The following CPAMD8 variants were observed in gnomAD, a reference collection of about 807,000 sequenced individuals.
CPAMD8 encodes C3 and PZP like alpha-2-macroglobulin domain containing 8.
Under a neutral mutation model 224.7 loss-of-function variants are expected in CPAMD8, and 146 were observed. The ratio of observed to expected loss-of-function variants is 0.65; its 90% confidence interval spans 0.57 to 0.75. The LOEUF is 0.75. Ranked by LOEUF, CPAMD8 falls within the 30% of genes least tolerant of loss-of-function variation. CPAMD8 has a pLI of 0.00. For synonymous variants in CPAMD8, 966 were observed against 1,044.6 expected (o/e 0.92, Z 1.45); for missense variants, 2,301 against 2,537.5 (o/e 0.91, Z 2.00).
Position 16,896,215 on chromosome 19 carries a change from T to A in CPAMD8, c.5387A>T (p.Glu1796Val), listed in dbSNP as rs2144679465. Reference protein sequence around the residue: ...VKLNGAGLEVEDSDPEPEGEA... With the variant: ...VKLNGAGLEVVDSDPEPEGEA... ...CCCTTCAGGCTCAGGGTCTGAGTCC[T>A]CCACCTCAAGGCCGGCTCCATTCAG... Residue 1796 changes from glutamate (E) to valine (V), a missense_variant, in exon 41 of 42, where the codon GAG (glutamate) becomes GTG (valine). This residue lies in a region of CPAMD8 where 1,709 missense variants were observed against 1,753.2 expected (regional missense o/e 0.97). Coordinates refer to ENST00000443236, the MANE Select transcript of CPAMD8 (RefSeq NM_015692.5). 1 of 1,613,796 alleles carries A rather than the reference T, an allele frequency of 6.2e-7. No homozygotes were observed. Among genetic ancestry groups the A allele is most frequent in the Non-Finnish European group, 8.5e-7 (1 of 1,179,976 alleles).
chr19:16,927,530 T>C (rs961800402), intron 25 of CPAMD8, among the ~76,000 whole-genome samples: 7 of 152,006 alleles, frequency 4.6e-5, no homozygotes, highest in Admixed American at 4.6e-4. Context: ...GCTTCCAATG[T>C]CCCTAGTCAG....
intron 18 of CPAMD8, among the ~76,000 whole-genome samples, chr19:16,967,651 C>A (rs1228503924): frequency 3.3e-5 from 5 of 151,300 alleles, no homozygotes; most frequent in Non-Finnish European, 5.9e-5. Flanking sequence ...CTAAAAAATA[C>A]AACAAAAATT....
At position 16,975,873 on chromosome 19, in the gene CPAMD8, C is replaced by A. The variant is rs1199535520; in HGVS notation, c.1908+129G>T. The A allele has an allele frequency of 3.0e-6, 3 of 999,496 alleles. 1 individual carries two copies. In the South Asian group the frequency reaches 7.2e-5, roughly 24 times the overall value. 61.9% of individuals were successfully genotyped at this position (999,496 alleles called of 1,614,324 possible). The stretch of plus-strand genomic sequence containing the variant: ...CCATTAGGTTCCCTGAAAAATGAAC[C>A]CGACGGAGAAAGCGAATCTGGATTC... On this transcript the variant is annotated intron_variant, in intron 16 of 41. Coordinates refer to ENST00000443236, the MANE Select transcript of CPAMD8 (RefSeq NM_015692.5).
chr19:17,016,158 T>C (rs2056806791), intron 3 of CPAMD8, among the ~76,000 whole-genome samples: 1 of 152,172 alleles, frequency 6.6e-6, no homozygotes, highest in Admixed American at 6.5e-5. Context: ...CTCAACTATG[T>C]TGCCCAGGCT....
intron 11 of CPAMD8, among the ~76,000 whole-genome samples, chr19:16,996,817 TA>T (rs11332531): frequency 0.76 from 82,628 of 108,352 alleles, 30,877 homozygotes; most frequent in Middle Eastern, 0.8. Context: ...TGACTATCTC[TA>T]AAAAAAAAAA....
At position 16,906,390 on chromosome 19, in the gene CPAMD8, CTTTCT is replaced by C. The variant is rs1568459637; in HGVS notation, c.4027+557_4027+561del. Among the ~76,000 whole-genome samples, 229 of 78,502 alleles carry C rather than the reference CTTTCT, an allele frequency of 2.9e-3. 2 individuals are homozygous for C. The highest frequency in any genetic ancestry group is 7.2e-3 in the Middle Eastern group (1 of 138). 51.5% of individuals were successfully genotyped at this position (78,502 alleles called of 152,430 possible). On this transcript the variant is annotated intron_variant, in intron 30 of 41. Coordinates refer to ENST00000443236, the MANE Select transcript of CPAMD8 (RefSeq NM_015692.5). Reference sequence around the variant, plus strand: ...TCTTTCTTTCTTTCTTTCTTTCTTTCTTTCTTTCTTTCTTTCTTTCCTTCCTTCCT... The same window carrying C: ...TCTTTCTTTCTTTCTTTCTTTCTTTCTTCTTTCTTTCTTTCCTTCCTTCCT...
chr19:16,893,055 T>C lies in CPAMD8; in HGVS notation c.*53A>G. 1.2e-6 allele frequency: 1 copy of C among 830,992 alleles called. No individual in the cohort carries two copies. The highest frequency in any genetic ancestry group is 2.1e-6 in the Non-Finnish European group (1 of 466,516). The allele number at this position is 830,992 out of a possible 1,614,324, so 51.5% of individuals were successfully genotyped here. ...CAGGCACAAGCTGGGTGTGTGGGTA[T>C]GAATGGTCCCCAGGACCAAACTGCG... On this transcript the variant is annotated 3_prime_UTR_variant, in exon 42 of 42. Coordinates refer to ENST00000443236, the MANE Select transcript of CPAMD8 (RefSeq NM_015692.5).
At chr19:17,022,724 C>T (rs932769225) in intron 1 of CPAMD8, among the ~76,000 whole-genome samples, 4 of 152,094 alleles carry the variant, frequency 2.6e-5, no homozygotes, top group African/African-American at 9.7e-5. Flanking sequence ...ATCTCAAACT[C>T]CTGACCTCAA....
At chr19:16,990,042 A>G (rs1196217685) in intron 12 of CPAMD8, among the ~76,000 whole-genome samples, 1 of 152,226 alleles carries the variant, frequency 6.6e-6, no homozygotes, top group African/African-American at 2.4e-5. Context: ...ACCTGAGGCC[A>G]GGAGTTCGAG....
intron 17 of CPAMD8, 91 bp from the exon 18 acceptor site, chr19:16,971,124 T>G (rs2122643834): frequency 3.3e-5 from 36 of 1,093,040 alleles, no homozygotes; most frequent in Non-Finnish European, 4.3e-5. Context: ...CTGTGGCCAC[T>G]GTCCCAATAT....
chr19:16,945,685 G>A lies in CPAMD8; in HGVS notation c.2663-6C>T, dbSNP rs1670458590. On this transcript the variant is annotated splice_region_variant and splice_polypyrimidine_tract_variant and intron_variant, in intron 21 of 41. Transcript: ENST00000443236. ...TCCGTAAGCAAGGGCTTTGGCTGCA[G>A]AAATTTGATGTCTTGGTCTCAGAAC... The A allele has an allele frequency of 1.2e-6, 2 of 1,613,970 alleles. No individual in the cohort carries two copies. The highest frequency in any genetic ancestry group is 8.5e-7 in the Non-Finnish European group (1 of 1,179,840).
At chr19:16,901,358 G>GTCCCCTC in intron 35 of CPAMD8, 61 bp from the exon 36 acceptor site, 1 of 1,155,096 alleles carries the variant, frequency 8.7e-7, no homozygotes, top group Non-Finnish European at 1.3e-6. Flanking sequence ...GGAATTCAAG[G>GTCCCCTC]TCCCCTCTCC....
chr19:16,904,145 C>G (rs1243309158), intron 32 of CPAMD8, 81 bp downstream of exon 32: 10 of 1,445,044 alleles, frequency 6.9e-6, no homozygotes, highest in Non-Finnish European at 8.4e-6. Context: ...ACTGCCTGGC[C>G]ACCTCAGAGC....
Position 16,910,081 on chromosome 19 carries a change from G to A in CPAMD8, c.3862-2964C>T, listed in dbSNP as rs117359371. 3.1e-3 allele frequency among the ~76,000 whole-genome samples: 472 copies of A among 151,782 alleles called. 7 individuals carry two copies. The East Asian group carries it at 0.049, about 16-fold the overall frequency. On this transcript the variant is annotated intron_variant, in intron 29 of 41. Transcript: ENST00000443236. ...TGGCCAGGCTGGTCTCGGACTCCTG[G>A]ACCCATGTGATCCACCTGCCTCAGC...
chr19:17,016,098 C>A (rs1359797690), intron 3 of CPAMD8, among the ~76,000 whole-genome samples: 2 of 152,154 alleles, frequency 1.3e-5, no homozygotes, highest in Non-Finnish European at 2.9e-5. Context: ...TGCAGGCCAC[C>A]ATGCCCGGCT....
At chr19:16,961,680 G>A (rs565745896) in intron 18 of CPAMD8, among the ~76,000 whole-genome samples, 145 of 152,336 alleles carry the variant, frequency 9.5e-4, no homozygotes, top group Middle Eastern at 6.8e-3. Flanking sequence ...CCAGCATGGC[G>A]TTTCAGCTCT....
At chr19:16,906,586 G>A (rs2052527383) in intron 30 of CPAMD8, among the ~76,000 whole-genome samples, 1 of 151,226 alleles carries the variant, frequency 6.6e-6, no homozygotes, top group Non-Finnish European at 1.5e-5. Flanking sequence ...GTATTTTTAG[G>A]AGAGACGGGG....
chr19:17,023,891 A>T (rs1002371402), intron 1 of CPAMD8, among the ~76,000 whole-genome samples: 4 of 152,190 alleles, frequency 2.6e-5, no homozygotes, highest in Non-Finnish European at 5.9e-5. Context: ...TAGTGTCTCT[A>T]GAACAACCCA....
intron 18 of CPAMD8, among the ~76,000 whole-genome samples, chr19:16,966,432 G>T (rs2054830208): frequency 6.6e-6 from 1 of 152,100 alleles, no homozygotes. Flanking sequence ...ATAGGCATGG[G>T]CAAAGACTTC....
Sources: allele counts gnomAD v4.1 joint callset (sites outside exome capture counted in the v4.1 genomes callset), GRCh38; gene constraint gnomAD v4.1.1; regional missense constraint gnomAD v4.1.1; transcripts MANE v1.5; gene names NCBI Gene and HGNC (gene_info 2026-07-23, HGNC 2026-07-21).